Variants in CNGB3 observed in about 807,000 individuals in gnomAD.
CNGB3 encodes cyclic nucleotide-gated channel beta-3.
CNGB3 carries 86 observed loss-of-function variants against 92.8 expected under a neutral mutation model. The observed-to-expected ratio is 0.93, with a 90% CI of 0.78 to 1.11. The LOEUF (loss-of-function observed/expected upper bound fraction) is 1.11. Among genes scored for constraint, CNGB3 ranks in the 50% least tolerant of loss-of-function variants. CNGB3 has a pLI of 0.00. For missense variants in CNGB3, 1,026 were observed against 956.8 expected, an observed-to-expected ratio of 1.07 and a Z score of -0.95; for synonymous variants, 333 against 332.7, an observed-to-expected ratio of 1.00 and a Z score of -0.01.
At chr8:86,698,768 G>A (rs974636467) in intron 3 of CNGB3, among the ~76,000 whole-genome samples, 1 of 152,092 alleles carries the variant, frequency 6.6e-6, no homozygotes, top group African/African-American at 2.4e-5. Context: ...AGAGGTGAAG[G>A]TTTGAAAATA....
intron 3 of CNGB3, among the ~76,000 whole-genome samples, chr8:86,722,028 A>G (rs769644080): frequency 1.3e-5 from 2 of 152,204 alleles, no homozygotes; most frequent in Non-Finnish European, 2.9e-5. Context: ...TCATAGAAAT[A>G]ACCTTCCTTC....
intron 2 of CNGB3, among the ~76,000 whole-genome samples, chr8:86,731,307 T>C (rs968079232): frequency 4.6e-5 from 7 of 152,162 alleles, no homozygotes; most frequent in Non-Finnish European, 8.8e-5. Flanking sequence ...AGGGAGCCTG[T>C]GCTGAGGGAG....
intron 10 of CNGB3, among the ~76,000 whole-genome samples, chr8:86,633,997 T>G (rs895564872): frequency 1.3e-5 from 2 of 152,156 alleles, no homozygotes; most frequent in South Asian, 2.1e-4. Flanking sequence ...TGCTCAGAAA[T>G]GTACTTGATA....
At chr8:86,622,369 A>ATTC (rs1274642210) in intron 13 of CNGB3, among the ~76,000 whole-genome samples, 32 of 123,106 alleles carry the variant, frequency 2.6e-4, no homozygotes, top group African/African-American at 1.2e-3. Context: ...TTTTGGGGCC[A>ATTC]TTCTTCTTTT....
intron 8 of CNGB3, among the ~76,000 whole-genome samples, chr8:86,645,021 C>T (rs1278235739): frequency 6.6e-6 from 1 of 151,156 alleles, no homozygotes; most frequent in Non-Finnish European, 1.5e-5. Context: ...ATTAAAGTCA[C>T]ACTCTCCAAA....
At chr8:86,641,773 C>G (rs1401559121) in intron 10 of CNGB3, among the ~76,000 whole-genome samples, 1 of 151,830 alleles carries the variant, frequency 6.6e-6, no homozygotes, top group East Asian at 1.9e-4. Flanking sequence ...TTCTTACTTT[C>G]TAGGGAACTC....
intron 1 of CNGB3, 71 bp downstream of exon 1, chr8:86,743,428 A>G: frequency 6.4e-7 from 1 of 1,555,092 alleles, no homozygotes; most frequent in Non-Finnish European, 8.9e-7. Flanking sequence ...ATATCGTAGC[A>G]GTGATTAAAT....
intron 6 of CNGB3, chr8:86,657,627 G>C (rs1823537500): frequency 9.9e-6 from 4 of 405,140 alleles, no homozygotes; most frequent in Non-Finnish European, 2.0e-5. Flanking sequence ...AGCTCCTGTG[G>C]GAGCTGGGGC....
intron 6 of CNGB3, chr8:86,658,467 A>T (rs1013808582): frequency 2.4e-6 from 1 of 411,774 alleles, no homozygotes; most frequent in Non-Finnish European, 4.6e-6. Context: ...TTGGCAGGCC[A>T]TCTTGGCCAC....
intron 3 of CNGB3, among the ~76,000 whole-genome samples, chr8:86,700,903 G>C (rs1824543615): frequency 6.6e-6 from 1 of 152,202 alleles, no homozygotes; most frequent in Admixed American, 6.5e-5. Flanking sequence ...GCCTCCCAAA[G>C]TGCTGGGATT....
chr8:86,694,716 G>A (rs1278564936), intron 3 of CNGB3, among the ~76,000 whole-genome samples: 1 of 151,866 alleles, frequency 6.6e-6, no homozygotes, highest in East Asian at 2.0e-4. Flanking sequence ...GCCGGGCAGA[G>A]ACGCTCCTCA....
intron 15 of CNGB3, among the ~76,000 whole-genome samples, chr8:86,594,872 C>A (rs1243464355): frequency 2.0e-5 from 3 of 152,130 alleles, no homozygotes; most frequent in Non-Finnish European, 2.9e-5. Context: ...CCACGCCCAG[C>A]TAATTTTTGT....
intron 15 of CNGB3, among the ~76,000 whole-genome samples, chr8:86,600,621 T>C (rs1585961669): frequency 1.3e-5 from 2 of 150,504 alleles, no homozygotes; most frequent in Non-Finnish European, 1.5e-5. Flanking sequence ...TTTCTTTTTT[T>C]TTTTTTGTGA....
At chr8:86,628,877 A>T in intron 12 of CNGB3, 42 bp downstream of exon 12, 1 of 1,607,498 alleles carries the variant, frequency 6.2e-7, no homozygotes, top group Non-Finnish European at 8.5e-7. Flanking sequence ...TCATCATATG[A>T]CAAGGTTTAC....
At chr8:86,628,338 C>T (rs1822889854) in intron 12 of CNGB3, among the ~76,000 whole-genome samples, 4 of 152,106 alleles carry the variant, frequency 2.6e-5, no homozygotes, top group Admixed American at 2.6e-4. Flanking sequence ...GCCTCAGCCT[C>T]CCAAAATGCT....
chr8:86,654,836 T>G (rs2131603624), intron 6 of CNGB3, among the ~76,000 whole-genome samples: 1 of 152,304 alleles, frequency 6.6e-6, no homozygotes, highest in South Asian at 2.1e-4. Flanking sequence ...CTCTCTTCTC[T>G]TTTCTCATCA....
chr8:86,618,746 C>T (rs1822666492), intron 13 of CNGB3, among the ~76,000 whole-genome samples: 1 of 152,202 alleles, frequency 6.6e-6, no homozygotes, highest in African/African-American at 2.4e-5. Context: ...AGAAATGAAA[C>T]ACAAGTCTCA....
intron 3 of CNGB3, among the ~76,000 whole-genome samples, chr8:86,674,757 T>G (rs1016751330): frequency 3.3e-5 from 5 of 151,890 alleles, no homozygotes; most frequent in East Asian, 1.9e-4. Flanking sequence ...AATTTAACTT[T>G]TGTGTGTGTG....
chr8:86,582,978 C>A (rs1180815291), intron 15 of CNGB3, among the ~76,000 whole-genome samples: 1 of 84,652 alleles, frequency 1.2e-5, no homozygotes, highest in Non-Finnish European at 2.6e-5. Context: ...TGTTGTCACC[C>A]AGGCTGGAGT....
Sources: gnomAD v4.1 joint callset for allele counts (sites outside exome capture counted in the v4.1 genomes callset) on GRCh38, gnomAD v4.1.1 for gene constraint, MANE v1.5 for transcripts, NCBI Gene and HGNC (gene_info 2026-07-23, HGNC 2026-07-21) for gene names.